Variants in TBC1D9B observed in about 807,000 individuals in gnomAD.
TBC1D9B encodes the protein TBC1 domain family, member 9B (with GRAM domain).
A neutral mutation model predicts 121.1 loss-of-function variants in TBC1D9B; 87 were observed. The ratio of observed to expected loss-of-function variants is 0.72; its 90% CI spans 0.60 to 0.86. The LOEUF (loss-of-function observed/expected upper bound fraction) is 0.86, where lower values mean the gene tolerates loss of function less well. TBC1D9B is among the 40% of genes least tolerant of loss of function. The pLI, the probability that TBC1D9B is intolerant of heterozygous loss-of-function variation, is 0.00. For missense variants in TBC1D9B, 1,540 were observed against 1,628.6 expected, an observed-to-expected ratio of 0.95 and a Z score of 0.94; for synonymous variants, 668 against 670.1, an observed-to-expected ratio of 1.00 and a Z score of 0.05.
chr5:179,873,055 T>C, intron 13 of TBC1D9B, 64 bp downstream of exon 13: 1 of 1,613,382 alleles, frequency 6.2e-7, no homozygotes, highest in Non-Finnish European at 8.5e-7. Flanking sequence ...CACCTGCCCA[T>C]AGCCACCCCA....
In TBC1D9B at chr5:179,862,327, GGTCA is replaced by G. The variant is rs1242023066; in HGVS notation, c.*1117_*1120del. 3 of 318,934 alleles carry G rather than the reference GGTCA, an allele frequency of 9.4e-6. No individual in the cohort carries two copies. The highest frequency in any genetic ancestry group is 1.9e-5 in the Non-Finnish European group (3 of 154,120). The allele number at this position is 318,934 out of a possible 1,614,324, so 19.8% of individuals were successfully genotyped here. On this transcript the variant is annotated 3_prime_UTR_variant, in exon 21 of 21. Transcript: ENST00000355235. ...CATGTGGGGGCTAACACTGGACACTGGTCAGTTTCAGCTCCTCATGCAAAGTGAG... is the reference window on the plus strand; with the variant it reads ...CATGTGGGGGCTAACACTGGACACTGGTTTCAGCTCCTCATGCAAAGTGAG...
intron 1 of TBC1D9B, among the ~76,000 whole-genome samples, chr5:179,906,911 C>A (rs1368254131): frequency 6.6e-6 from 1 of 152,252 alleles, no homozygotes; most frequent in Non-Finnish European, 1.5e-5. Flanking sequence ...CCCGAGCCAG[C>A]CGGGCTCCTG....
At chr5:179,906,656 A>G (rs984857739) in intron 1 of TBC1D9B, among the ~76,000 whole-genome samples, 1 of 152,186 alleles carries the variant, frequency 6.6e-6, no homozygotes, top group Non-Finnish European at 1.5e-5. Flanking sequence ...GAGATCCTTG[A>G]AGCCCACTGG....
intron 10 of TBC1D9B, 89 bp from the exon 11 acceptor site, chr5:179,876,126 C>T (rs1369181025): frequency 1.1e-6 from 1 of 937,646 alleles, no homozygotes; most frequent in South Asian, 1.7e-5. Flanking sequence ...CCACCCCTCC[C>T]TGCAAGGGCC....
At chr5:179,896,915 A>G (rs1761036383) in intron 3 of TBC1D9B, among the ~76,000 whole-genome samples, 2 of 151,188 alleles carry the variant, frequency 1.3e-5, no homozygotes, top group African/African-American at 4.9e-5. Flanking sequence ...TGCTCCTCAC[A>G]GCGTATTTTG....
chr5:179,899,677 C>T (rs1761116098), intron 2 of TBC1D9B, among the ~76,000 whole-genome samples: 1 of 152,144 alleles, frequency 6.6e-6, no homozygotes, highest in African/African-American at 2.4e-5. Context: ...GTGGCTTTTG[C>T]TATGTAGGTG....
chr5:179,880,841 T>G (rs1489542666), intron 7 of TBC1D9B, among the ~76,000 whole-genome samples: 2 of 152,198 alleles, frequency 1.3e-5, no homozygotes, highest in East Asian at 3.9e-4. Context: ...TAAACAAATG[T>G]TGACGACAAG....
chr5:179,902,775 C>T lies in TBC1D9B; in HGVS notation c.229+1927G>A, dbSNP rs547131272. On this transcript the variant is annotated intron_variant, in intron 2 of 20. Coordinates refer to ENST00000355235, the MANE Select transcript of TBC1D9B (RefSeq NM_015043.4). The surrounding 1 kb of genome is among the most constrained non-coding windows in gnomAD (Gnocchi z 4.9). ...CCTCCTGGCCCACTCAGAAATGGTC[C>T]CCTCCCCACAGGAAGCCCCTCCTCT... Among the ~76,000 whole-genome samples the T allele has an allele frequency of 1.3e-5, 2 of 152,286 alleles. No individual in the cohort carries two copies. Among genetic ancestry groups the T allele is most frequent in the Non-Finnish European group, 2.9e-5 (2 of 68,014 alleles).
chr5:179,869,814 G>C lies in TBC1D9B; in HGVS notation c.2746C>G (p.Leu916Val). The change falls in exon 17 of 21, where the codon CTG (leucine) becomes GTG (valine). Residue 916 changes from leucine (L) to valine (V), a missense_variant. Physicochemically the swap from Leu to Val is conservative, Grantham distance 32. Coordinates refer to ENST00000355235, the MANE Select transcript of TBC1D9B (RefSeq NM_015043.4). The stretch of plus-strand genomic sequence containing the variant: ...TAGAGCACCTTGAGCTTCTCTGTCA[G>C]GTCCCCGTGGTACATCCCGCCTGTG... ...TGMSGMYHGDLTEKLKVLYKL... is the reference protein window; with the variant it reads ...TGMSGMYHGDVTEKLKVLYKL... The C allele has an allele frequency of 6.4e-7, 1 of 1,565,710 alleles. No homozygotes were observed. Among genetic ancestry groups the C allele is most frequent in the Non-Finnish European group, 8.7e-7 (1 of 1,153,724 alleles).
At position 179,888,231 on chromosome 5, in the gene TBC1D9B, G is replaced by A; in HGVS notation, c.1126C>T (p.Leu376=). ...SISTKSKMTF[L]FANLKDRDFL... ...TCACGGTCTTTCAGGTTGGCAAACA[G>A]GAATGTCATTTTGCTTTTGGTGCTG... Residue 376 remains leucine (L), a synonymous_variant, in exon 7 of 21, where the codon CTG becomes TTG. Transcript: ENST00000355235. 1 of 1,611,910 alleles carries A rather than the reference G, an allele frequency of 6.2e-7. No individual in the cohort carries two copies. The highest frequency in any genetic ancestry group is 8.5e-7 in the Non-Finnish European group (1 of 1,179,322).
intron 9 of TBC1D9B, 135 bp from the exon 10 acceptor site, chr5:179,878,658 G>A: frequency 1.1e-6 from 1 of 870,486 alleles, no homozygotes; most frequent in Non-Finnish European, 1.8e-6. Context: ...TGCGAGGCAA[G>A]GTTTCCCTTG....
chr5:179,871,324 G>A (rs1561634721), intron 15 of TBC1D9B, 138 bp downstream of exon 15: 1 of 808,638 alleles, frequency 1.2e-6, no homozygotes. Context: ...ATCTGAGGAT[G>A]CACTTAGATC....
intron 2 of TBC1D9B, among the ~76,000 whole-genome samples, chr5:179,901,332 G>A (rs1169374238): frequency 6.6e-6 from 1 of 151,820 alleles, no homozygotes; most frequent in Non-Finnish European, 1.5e-5. Flanking sequence ...TTTCTTTTTC[G>A]GTTTCTTTGC....
chr5:179,882,513 C>G (rs574997), intron 7 of TBC1D9B, among the ~76,000 whole-genome samples: 88,338 of 151,998 alleles, frequency 0.58, 28,417 homozygotes, highest in African/African-American at 0.85. Flanking sequence ...TATACCTGAA[C>G]GTCAGTTTGG....
chr5:179,900,425 C>A, intron 2 of TBC1D9B, among the ~76,000 whole-genome samples: 1 of 152,166 alleles, frequency 6.6e-6, no homozygotes, highest in East Asian at 1.9e-4. Flanking sequence ...GAATGACACC[C>A]TGAATCATTC....
rs768804765 is a variant in TBC1D9B, at chr5:179,869,842, G to A, written c.2726-8C>T. On this transcript the variant is annotated splice_polypyrimidine_tract_variant and splice_region_variant and intron_variant, in intron 16 of 20. Coordinates refer to ENST00000355235, the MANE Select transcript of TBC1D9B (RefSeq NM_015043.4). ...CCCCGTGGTACATCCCGCCTGTGGA[G>A]AAGGCCAGGGAGGGCTGGGTCTGGC... 2 of 1,540,450 alleles carry A rather than the reference G, an allele frequency of 1.3e-6. No homozygotes were observed. Among genetic ancestry groups the A allele is most frequent in the East Asian group, 2.3e-5 (1 of 44,214 alleles).
At position 179,907,206 on chromosome 5, in the gene TBC1D9B, C is replaced by G. The variant is rs1366366148; in HGVS notation, c.118+498G>C. 1.3e-5 allele frequency among the ~76,000 whole-genome samples: 2 copies of G among 152,136 alleles called. No homozygotes were observed. Among genetic ancestry groups the G allele is most frequent in the African/African-American group, 4.8e-5 (2 of 41,440 alleles). Reference sequence around the variant, plus strand: ...TGGGGGAATGGGGGTGCGGCCAGCTCCAGGGACCTCTGATCTTGCTAAAAG... The same window carrying G: ...TGGGGGAATGGGGGTGCGGCCAGCTGCAGGGACCTCTGATCTTGCTAAAAG... On this transcript the variant is annotated intron_variant, in intron 1 of 20. Coordinates refer to ENST00000355235, the MANE Select transcript of TBC1D9B (RefSeq NM_015043.4). The surrounding 1 kb of genome is among the most constrained non-coding windows in gnomAD (Gnocchi z 5.3).
In TBC1D9B at chr5:179,865,729, C is replaced by T; in HGVS notation, c.2914+109G>A. On this transcript the variant is annotated intron_variant, in intron 19 of 20. Coordinates refer to ENST00000355235, the MANE Select transcript of TBC1D9B (RefSeq NM_015043.4). The surrounding 1 kb of genome is among the most constrained non-coding windows in gnomAD (Gnocchi z 5.1). ...GCTCCCTGATCGGGGGACGCATCCG[C>T]CATCTCCCGGGGTAGGGGGCTCCCT... 7.9e-7 allele frequency: 1 copy of T among 1,265,134 alleles called. No homozygotes were observed. Among genetic ancestry groups the T allele is most frequent in the South Asian group, 1.4e-5 (1 of 69,788 alleles). The allele number at this position is 1,265,134 out of a possible 1,614,324, so 78.4% of individuals were successfully genotyped here. A position where few individuals can be genotyped will look rare whatever the true frequency, so the allele number is the denominator to read the frequency against.
chr5:179,901,755 G>A (rs1478192862), intron 2 of TBC1D9B, among the ~76,000 whole-genome samples: 1 of 152,210 alleles, frequency 6.6e-6, no homozygotes, highest in Non-Finnish European at 1.5e-5. Flanking sequence ...GCAACAGAAA[G>A]AGAACGCCTC....
Sources: gnomAD v4.1 joint callset for allele counts (sites outside exome capture counted in the v4.1 genomes callset) on GRCh38, gnomAD v4.1.1 for gene constraint, Gnocchi (gnomAD v3.1) non-coding constraint, MANE v1.5 for transcripts, NCBI Gene and HGNC (gene_info 2026-07-23, HGNC 2026-07-21) for gene names.